SLC15A4: variants seen among roughly 807,000 people sequenced by gnomAD.
The protein encoded by SLC15A4 is solute carrier family 15 member 4, also known as hPHT1.
SLC15A4 carries 26 observed loss-of-function variants against 46.1 expected under a neutral mutation model. That is an observed-to-expected ratio of 0.56 (90% confidence interval 0.41 to 0.78). The LOEUF (loss-of-function observed/expected upper bound fraction) is 0.78, where lower values mean the gene tolerates loss of function less well. SLC15A4 is among the 30% of genes least tolerant of loss of function. The pLI, the probability that SLC15A4 is intolerant of heterozygous loss-of-function variation, is 0.00. For synonymous variants in SLC15A4, 370 were observed against 333.4 expected (o/e 1.11, Z -1.20); for missense variants, 751 against 755.7 (o/e 0.99, Z 0.07).
chr12:128,810,201 G>T, intron 2 of SLC15A4, 90 bp from the exon 3 acceptor site: 2 of 1,314,090 alleles, frequency 1.5e-6, no homozygotes, highest in Non-Finnish European at 2.1e-6. Flanking sequence ...TAAGAAACCA[G>T]CTCACTGTAT....
At chr12:128,805,444 T>C (rs2135710670) in intron 5 of SLC15A4, among the ~76,000 whole-genome samples, 1 of 152,186 alleles carries the variant, frequency 6.6e-6, no homozygotes, top group African/African-American at 2.4e-5. Flanking sequence ...TGAAAATACA[T>C]AAAGTAGTTA....
At position 128,793,264 on chromosome 12, in the gene SLC15A4, T is replaced by C. The variant is rs1317042821; in HGVS notation, c.*932A>G. 1 of 152,210 alleles carries C rather than the reference T, an allele frequency of 6.6e-6. No individual in the cohort carries two copies. The highest frequency in any genetic ancestry group is 2.4e-5 in the African/African-American group (1 of 41,454). 9.4% of individuals were successfully genotyped at this position (152,210 alleles called of 1,614,324 possible). ...AATACAGCAACAAATACAGAAAAAG[T>C]ATTAACAAACGGAGAAGCCCCAGAT... On this transcript the variant is annotated 3_prime_UTR_variant, in exon 8 of 8. Transcript: ENST00000266771.
intron 7 of SLC15A4, 86 bp from the exon 8 acceptor site, chr12:128,794,442 T>A: frequency 1.5e-6 from 2 of 1,343,832 alleles, no homozygotes; most frequent in Non-Finnish European, 2.0e-6. Context: ...TGGTTCCCAC[T>A]AAGGTTTAAC....
At chr12:128,814,214 C>CGTATGATGGACCTGACCGCT (rs1955708190) in intron 2 of SLC15A4, 3 of 45,326 alleles carry the variant, frequency 6.6e-5, no homozygotes, top group Non-Finnish European at 1.8e-4. Flanking sequence ...ACCTGACCGC[C>CGTATGATGGACCTGACCGCT]GTATGATGGA....
chr12:128,812,922 T>C (rs1250422109), intron 2 of SLC15A4, among the ~76,000 whole-genome samples: 1 of 152,146 alleles, frequency 6.6e-6, no homozygotes, highest in Non-Finnish European at 1.5e-5. Context: ...AAGAAGACTT[T>C]CAAAGACTAT....
At position 128,823,380 on chromosome 12, in the gene SLC15A4, C is replaced by T; in HGVS notation, c.546+18G>A. ...GGGCTGGACAGGGACAGGGACAGCG[C>T]GCGGGGGCGCGGCTCACCTGGTCGG... is the stretch of plus-strand genomic sequence containing the variant. On this transcript the variant is annotated intron_variant, in intron 1 of 7. Coordinates refer to ENST00000266771, the MANE Select transcript of SLC15A4 (RefSeq NM_145648.4). 2 of 1,394,528 alleles carry T rather than the reference C, an allele frequency of 1.4e-6. No individual in the cohort carries two copies. Among genetic ancestry groups the T allele is most frequent in the Non-Finnish European group, 9.3e-7 (1 of 1,080,372 alleles). The allele number at this position is 1,394,528 out of a possible 1,614,324, so 86.4% of individuals were successfully genotyped here.
chr12:128,819,582 C>G (rs1256652010), intron 1 of SLC15A4: 1 of 152,074 alleles, frequency 6.6e-6, no homozygotes, highest in African/African-American at 2.4e-5. Context: ...ACAAACTATC[C>G]CAAGCATCCA....
chr12:128,822,618 T>C (rs1955862049), intron 1 of SLC15A4, among the ~76,000 whole-genome samples: 1 of 152,148 alleles, frequency 6.6e-6, no homozygotes, highest in Non-Finnish European at 1.5e-5. Context: ...AGTGGCGCGA[T>C]CTCGGCTCAT....
At chr12:128,821,629 T>C (rs1409921759) in intron 1 of SLC15A4, among the ~76,000 whole-genome samples, 3 of 152,332 alleles carry the variant, frequency 2.0e-5, no homozygotes, top group South Asian at 2.1e-4. Context: ...GGCTCATGCC[T>C]GTAACCCCAG....
At chr12:128,807,154 G>A (rs1955599382) in intron 5 of SLC15A4, among the ~76,000 whole-genome samples, 1 of 152,068 alleles carries the variant, frequency 6.6e-6, no homozygotes, top group Non-Finnish European at 1.5e-5. Flanking sequence ...ACCTGCCTTG[G>A]CCTCCCAAAG....
intron 1 of SLC15A4, chr12:128,815,959 C>G (rs373404536): frequency 8.5e-5 from 13 of 152,218 alleles, no homozygotes; most frequent in African/African-American, 3.1e-4. Flanking sequence ...TGTATCTGGT[C>G]TCCTGAGAAT....
intron 2 of SLC15A4, chr12:128,810,464 C>T (rs935579844): frequency 7.5e-6 from 2 of 264,952 alleles, no homozygotes; most frequent in East Asian, 1.0e-4. Flanking sequence ...TGCAGCTCTA[C>T]GTGACACTGG....
chr12:128,812,746 G>C (rs1307045817), intron 2 of SLC15A4, among the ~76,000 whole-genome samples: 1 of 152,176 alleles, frequency 6.6e-6, no homozygotes, highest in Non-Finnish European at 1.5e-5. Context: ...GAGCCCATGA[G>C]ATGAATCCAT....
chr12:128,800,851 C>T lies in SLC15A4; in HGVS notation c.1414+3G>A. On this transcript the variant is annotated splice_donor_region_variant and intron_variant, in intron 6 of 7. Transcript: ENST00000266771. ...AGACACCTCCGGCACTAAAGGTCCT[C>T]ACCTGCGATACTTGCAAAGATCTCG... is the stretch of plus-strand genomic sequence containing the variant. 2.5e-6 allele frequency: 4 copies of T among 1,609,020 alleles called. No individual in the cohort carries two copies. Among genetic ancestry groups the T allele is most frequent in the Non-Finnish European group, 2.5e-6 (3 of 1,177,714 alleles).
chr12:128,802,950 G>A lies in SLC15A4; in HGVS notation c.1259-1941C>T, dbSNP rs567647367. Among the ~76,000 whole-genome samples, 4 of 152,324 alleles carry A rather than the reference G, an allele frequency of 2.6e-5. No individual in the cohort carries two copies. In the East Asian group the frequency reaches 5.8e-4, roughly 22 times the overall value. On this transcript the variant is annotated intron_variant, in intron 5 of 7. Transcript: ENST00000266771. Reference sequence around the variant, plus strand: ...TGCCCCCAGTCACGAGCGAGGCGGAGAGGCAAAGCCAATGGGGAAAATGAC... The same window carrying A: ...TGCCCCCAGTCACGAGCGAGGCGGAAAGGCAAAGCCAATGGGGAAAATGAC...
chr12:128,822,486 G>A (rs140926273), intron 1 of SLC15A4, among the ~76,000 whole-genome samples: 3 of 152,312 alleles, frequency 2.0e-5, no homozygotes, highest in African/African-American at 7.2e-5. Flanking sequence ...CTCTTTCCTA[G>A]CCTTCTGGTC....
Position 128,793,636 on chromosome 12 carries a change from A to T in SLC15A4, c.*560T>A, listed in dbSNP as rs1157019487. The T allele has an allele frequency of 6.6e-6, 1 of 152,222 alleles. No homozygotes were observed. 9.4% of individuals were successfully genotyped at this position (152,222 alleles called of 1,614,324 possible). A position where few individuals can be genotyped will look rare whatever the true frequency, so the allele number is the denominator to read the frequency against. The stretch of plus-strand genomic sequence containing the variant: ...ATGAAATGTGTTTACTACCAGCCTA[A>T]ATCAAAGAACATGGCAAGAGCAAGA... On this transcript the variant is annotated 3_prime_UTR_variant, in exon 8 of 8. Coordinates refer to ENST00000266771, the MANE Select transcript of SLC15A4 (RefSeq NM_145648.4).
chr12:128,798,418 G>A (rs1188837952), intron 7 of SLC15A4, among the ~76,000 whole-genome samples: 1 of 152,154 alleles, frequency 6.6e-6, no homozygotes, highest in Non-Finnish European at 1.5e-5. Context: ...GGAGTTCTGG[G>A]CTTTACATTA....
chr12:128,823,311 CAGAGGCAGGGACTGGGGCAGGGGA>C, intron 1 of SLC15A4, 63 bp downstream of exon 1: 1 of 1,249,878 alleles, frequency 8.0e-7, no homozygotes, highest in Non-Finnish European at 1.0e-6. Flanking sequence ...CCTCCGCGGT[CAGAGGCAGGGACTGGGGCAGGGGA>C]AGAGGCTGGG....
Sources: allele counts gnomAD v4.1 joint callset (sites outside exome capture counted in the v4.1 genomes callset), GRCh38; gene constraint gnomAD v4.1.1; transcripts MANE v1.5; gene names NCBI Gene and HGNC (gene_info 2026-07-23, HGNC 2026-07-21).